The following RIPOR3 variants were observed in gnomAD, a reference collection of about 807,000 sequenced individuals.
The protein encoded by RIPOR3 is family with sequence similarity 65 member C.
In RIPOR3, 95 loss-of-function variants were observed where a neutral mutation model predicts 114.3. That is an observed-to-expected ratio of 0.83 (90% CI 0.70 to 0.99). RIPOR3 has a LOEUF of 0.99. Among genes scored for constraint, RIPOR3 ranks in the 50% least tolerant of loss-of-function variants. The pLI, the probability that RIPOR3 is intolerant of heterozygous loss-of-function variation, is 0.00. For synonymous variants in RIPOR3, 575 were observed against 543.8 expected (o/e 1.06, Z -0.80); for missense variants, 1,252 against 1,266.9 (o/e 0.99, Z 0.18).
At chr20:50,609,009 G>A in intron 8 of RIPOR3, 54 bp from the exon 9 acceptor site, 2 of 1,550,076 alleles carry the variant, frequency 1.3e-6, no homozygotes, top group Admixed American at 3.9e-5. Flanking sequence ...CCCTGACCTG[G>A]GACCACAGGT....
intron 19 of RIPOR3, chr20:50,590,021 A>G (rs945436901): frequency 8.6e-5 from 33 of 384,422 alleles, no homozygotes; most frequent in Non-Finnish European, 1.5e-4. Flanking sequence ...TTGTCTAATA[A>G]TATTCCGGAA....
intron 11 of RIPOR3, among the ~76,000 whole-genome samples, chr20:50,607,529 A>T (rs561751957): frequency 6.6e-6 from 1 of 152,260 alleles, no homozygotes; most frequent in South Asian, 2.1e-4. Flanking sequence ...GCAAGTGCCC[A>T]CTTCTCTGCC....
chr20:50,610,821 C>T (rs751485860), intron 6 of RIPOR3, 32 bp downstream of exon 6: 1 of 1,613,988 alleles, frequency 6.2e-7, no homozygotes, highest in Non-Finnish European at 8.5e-7. Flanking sequence ...CACTGCCCCA[C>T]CCCACCCTGC....
intron 15 of RIPOR3, 131 bp from the exon 16 acceptor site, chr20:50,595,635 G>A (rs1273569815): frequency 7.7e-7 from 1 of 1,301,616 alleles, no homozygotes; most frequent in South Asian, 1.4e-5. Context: ...TGTCATTTGG[G>A]GATTCCCCTT....
chr20:50,587,718 G>T, intron 21 of RIPOR3, 84 bp downstream of exon 21: 5 of 1,356,868 alleles, frequency 3.7e-6, no homozygotes, highest in Non-Finnish European at 5.2e-6. Context: ...TGTTCTGCCT[G>T]CTGGGAGAGC....
Position 50,633,368 on chromosome 20 carries a change from G to A in RIPOR3, c.4-2512C>T, listed in dbSNP as rs531666306. ...TGGTTTGAAATCAGCCACAGTAAAC[G>A]TATTTACACCACAGAAAGCGGCAAG... On this transcript the variant is annotated intron_variant, in intron 1 of 21. Coordinates refer to ENST00000327979, the MANE Select transcript of RIPOR3 (RefSeq NM_001290268.2). 3.9e-5 allele frequency among the ~76,000 whole-genome samples: 6 copies of A among 152,352 alleles called. No individual in the cohort carries two copies. The South Asian group carries it at 6.2e-4, about 16-fold the overall frequency.
At chr20:50,665,739 A>AT (rs1442391477) in intron 1 of RIPOR3, among the ~76,000 whole-genome samples, 4 of 152,056 alleles carry the variant, frequency 2.6e-5, no homozygotes, top group Admixed American at 1.3e-4. Flanking sequence ...CTTATGGCGA[A>AT]TGATCCCACA....
chr20:50,640,628 T>C (rs1352517600), intron 1 of RIPOR3, among the ~76,000 whole-genome samples: 1 of 148,676 alleles, frequency 6.7e-6, no homozygotes, highest in Non-Finnish European at 1.5e-5. Context: ...ACACAGACCC[T>C]GCCCCCCTCC....
intron 1 of RIPOR3, among the ~76,000 whole-genome samples, chr20:50,664,761 G>A (rs941568415): frequency 7.2e-5 from 11 of 152,128 alleles, no homozygotes; most frequent in Non-Finnish European, 1.0e-4. Context: ...GGCTCACTAG[G>A]AAAGGGTGCT....
chr20:50,618,485 G>A (rs906691583), intron 3 of RIPOR3, among the ~76,000 whole-genome samples: 6 of 152,070 alleles, frequency 3.9e-5, no homozygotes, highest in African/African-American at 1.2e-4. Context: ...CTTTGTGTAT[G>A]TGGCTACCCT....
At chr20:50,690,543 CCTT>C (rs2087176421) in intron 1 of RIPOR3, among the ~76,000 whole-genome samples, 1 of 152,180 alleles carries the variant, frequency 6.6e-6, no homozygotes, top group Admixed American at 6.5e-5. Context: ...ATCCATACCT[CCTT>C]CTCCTTCACC....
chr20:50,607,786 G>A (rs76530433), intron 11 of RIPOR3, among the ~76,000 whole-genome samples: 2,375 of 152,224 alleles, frequency 0.016, 61 homozygotes, highest in African/African-American at 0.055. Flanking sequence ...GACCAGCCCC[G>A]ACTGGCCAGA....
intron 1 of RIPOR3, among the ~76,000 whole-genome samples, chr20:50,671,081 C>T (rs1054518537): frequency 2.6e-5 from 4 of 152,162 alleles, no homozygotes; most frequent in African/African-American, 7.2e-5. Context: ...GCATGCACCA[C>T]CATGCCTGGC....
chr20:50,594,936 G>GGCTGCTGTCACCAGCCTCTCCTTA, intron 16 of RIPOR3: 1 of 544,802 alleles, frequency 1.8e-6, no homozygotes, highest in East Asian at 3.0e-5. Flanking sequence ...ACCTGGGAGG[G>GGCTGCTGTCACCAGCCTCTCCTTA]GCTGCTGTCA....
At position 50,665,421 on chromosome 20, in the gene RIPOR3, C is replaced by CTTT. The variant is rs11471486; in HGVS notation, c.3+25702_3+25704dup. Among the ~76,000 whole-genome samples the CTTT allele has an allele frequency of 2.9e-3, 315 of 107,828 alleles. 18 individuals are homozygous for CTTT. Among genetic ancestry groups the CTTT allele is most frequent in the African/African-American group, 9.7e-3 (284 of 29,174 alleles). 70.7% of individuals were successfully genotyped at this position (107,828 alleles called of 152,430 possible). On this transcript the variant is annotated intron_variant, in intron 1 of 21. Transcript: ENST00000327979. ...TACCTTGGCTCAGAGCCCCCTCTTC[C>CTTT]TTTTTTTTTTTTTTTTTGAGATGGA...
At chr20:50,684,583 G>T (rs1292668227) in intron 1 of RIPOR3, among the ~76,000 whole-genome samples, 4 of 152,152 alleles carry the variant, frequency 2.6e-5, no homozygotes, top group African/African-American at 7.2e-5. Context: ...ATTTTAACAG[G>T]ACCCTGCTGG....
intron 11 of RIPOR3, 138 bp downstream of exon 11, chr20:50,608,251 G>T: frequency 8.3e-7 from 1 of 1,210,512 alleles, no homozygotes; most frequent in Non-Finnish European, 1.1e-6. Flanking sequence ...AGGGGTGGGA[G>T]TGAGGGACAG....
chr20:50,660,949 T>C (rs2123456112), intron 1 of RIPOR3, among the ~76,000 whole-genome samples: 1 of 151,770 alleles, frequency 6.6e-6, no homozygotes, highest in South Asian at 2.1e-4. Flanking sequence ...AAAAAAAATT[T>C]TGTAGAGGCC....
chr20:50,643,300 G>GT (rs35657879), intron 1 of RIPOR3, among the ~76,000 whole-genome samples: 15,929 of 129,262 alleles, frequency 0.12, 1,003 homozygotes, highest in East Asian at 0.21. Flanking sequence ...TTTTGTGTGT[G>GT]TTTTTTTTTT....
Sources: allele counts gnomAD v4.1 joint callset (sites outside exome capture counted in the v4.1 genomes callset), GRCh38; gene constraint gnomAD v4.1.1; transcripts MANE v1.5; gene names NCBI Gene and HGNC (gene_info 2026-07-23, HGNC 2026-07-21).